Variants in CCDC150 observed in about 807,000 individuals in gnomAD.
The protein encoded by CCDC150 is coiled-coil domain containing 150, also known as coiled-coil domain-containing protein 150.
A neutral mutation model predicts 156.5 loss-of-function variants in CCDC150; 151 were observed. That is an observed-to-expected ratio of 0.97 (90% CI 0.85 to 1.10). The LOEUF (loss-of-function observed/expected upper bound fraction) is 1.10, where lower values mean the gene tolerates loss of function less well. Ranked by LOEUF, CCDC150 falls within the 50% of genes least tolerant of loss-of-function variation. The pLI is 0.00. For missense variants in CCDC150, 1,312 were observed against 1,268.1 expected (o/e 1.03, Z -0.53); for synonymous variants, 452 against 429.4 (o/e 1.05, Z -0.65).
In CCDC150 at chr2:196,719,653, C is replaced by T. The variant is rs898959022; in HGVS notation, c.2152C>T (p.Leu718Phe). ...LGRRDSEIAG[L>F]KKERDLNQQR... ...GCGGAGGGATTCAGAGATTGCAGGCCTCAAGAAAGAAAGGTACCTGTGGTT... is the reference window on the plus strand; with the variant it reads ...GCGGAGGGATTCAGAGATTGCAGGCTTCAAGAAAGAAAGGTACCTGTGGTT... The change falls in exon 19 of 28, where the codon CTC becomes TTC. Residue 718 changes from leucine (L) to phenylalanine (F), a missense_variant. Coordinates refer to ENST00000389175, the MANE Select transcript of CCDC150 (RefSeq NM_001080539.2). The T allele has an allele frequency of 6.2e-7, 1 of 1,607,462 alleles. No homozygotes were observed. The highest frequency in any genetic ancestry group is 1.1e-5 in the South Asian group (1 of 89,664).
intron 2 of CCDC150, among the ~76,000 whole-genome samples, chr2:196,648,026 G>C (rs2125570392): frequency 6.6e-6 from 1 of 152,002 alleles, no homozygotes; most frequent in East Asian, 1.9e-4. Flanking sequence ...TCCATGCCTG[G>C]CTTATTTCCC....
At chr2:196,681,345 AT>A (rs1273041436) in intron 13 of CCDC150, among the ~76,000 whole-genome samples, 10 of 152,310 alleles carry the variant, frequency 6.6e-5, no homozygotes, top group African/African-American at 2.4e-4. Flanking sequence ...GCACACACAC[AT>A]ACACACACAC....
Position 196,667,040 on chromosome 2 carries a change from T to C in CCDC150, c.892+192T>C, listed in dbSNP as rs928895861. On this transcript the variant is annotated intron_variant, in intron 7 of 27. Transcript: ENST00000389175. ...GAAGGATTGTTGTTAATAATATATT[T>C]GACCCTGTTAATTGTAAACTATTCC... 65 of 605,820 alleles carry C rather than the reference T, an allele frequency of 1.1e-4. No individual in the cohort carries two copies. The African/African-American group carries it at 1.2e-3, about 11-fold the overall frequency. The allele number at this position is 605,820 out of a possible 1,614,324, so 37.5% of individuals were successfully genotyped here. A position where few individuals can be genotyped will look rare whatever the true frequency, so the allele number is the denominator to read the frequency against.
chr2:196,647,899 T>C (rs1692640568), intron 2 of CCDC150, among the ~76,000 whole-genome samples: 1 of 152,178 alleles, frequency 6.6e-6, no homozygotes, highest in Non-Finnish European at 1.5e-5. Context: ...CAATCTCTTC[T>C]TTCCCTGTCC....
intron 5 of CCDC150, among the ~76,000 whole-genome samples, chr2:196,663,246 AAAAC>A (rs1250603240): frequency 6.6e-6 from 1 of 152,228 alleles, no homozygotes; most frequent in Non-Finnish European, 1.5e-5. Context: ...CTCAAAAACA[AAAAC>A]AAAAACAGTA....
chr2:196,711,683 A>C (rs1454700729), intron 15 of CCDC150, among the ~76,000 whole-genome samples: 1 of 152,180 alleles, frequency 6.6e-6, no homozygotes, highest in Non-Finnish European at 1.5e-5. Context: ...ATATTGTGTC[A>C]GTGAAACACA....
chr2:196,664,500 A>G (rs1164946547), intron 5 of CCDC150, among the ~76,000 whole-genome samples: 1 of 152,244 alleles, frequency 6.6e-6, no homozygotes, highest in Admixed American at 6.5e-5. Flanking sequence ...GCATGTGGGA[A>G]GGGACGCAGG....
intron 15 of CCDC150, among the ~76,000 whole-genome samples, chr2:196,708,747 A>G (rs183682158): frequency 3.9e-5 from 6 of 152,210 alleles, no homozygotes; most frequent in Non-Finnish European, 8.8e-5. Flanking sequence ...AAAGGTTTTT[A>G]TTTCTCCTTC....
intron 14 of CCDC150, 101 bp downstream of exon 14, chr2:196,695,260 A>G: frequency 1.7e-6 from 1 of 578,020 alleles, no homozygotes; most frequent in Non-Finnish European, 3.1e-6. Context: ...GTGTTTTCAT[A>G]ATTATTAAAA....
At chr2:196,652,278 T>C (rs1692927233) in intron 2 of CCDC150, among the ~76,000 whole-genome samples, 1 of 152,186 alleles carries the variant, frequency 6.6e-6, no homozygotes, top group African/African-American at 2.4e-5. Context: ...TTCCAAAGTC[T>C]CATCTGAGAC....
At chr2:196,698,217 C>T (rs1695948131) in intron 14 of CCDC150, among the ~76,000 whole-genome samples, 2 of 152,140 alleles carry the variant, frequency 1.3e-5, no homozygotes, top group South Asian at 4.1e-4. Flanking sequence ...GCCTTAACAT[C>T]CACTTTCCCT....
chr2:196,666,995 A>G, intron 7 of CCDC150, 147 bp downstream of exon 7: 5 of 759,298 alleles, frequency 6.6e-6, no homozygotes, highest in Non-Finnish European at 1.1e-5. Flanking sequence ...TTTCCCTTCT[A>G]CCTGCAGTAC....
At chr2:196,726,743 G>A (rs1301807719) in intron 22 of CCDC150, 1 of 152,448 alleles carries the variant, frequency 6.6e-6, no homozygotes, top group Non-Finnish European at 1.5e-5. Flanking sequence ...AAATGAACAG[G>A]ACATGTGAGC....
At chr2:196,715,016 G>C (rs1165876849) in intron 17 of CCDC150, among the ~76,000 whole-genome samples, 1 of 152,112 alleles carries the variant, frequency 6.6e-6, no homozygotes, top group African/African-American at 2.4e-5. Flanking sequence ...AGGTAGATGT[G>C]GGGAAAAGAC....
At chr2:196,690,298 G>T (rs1365557315) in intron 13 of CCDC150, among the ~76,000 whole-genome samples, 1 of 151,744 alleles carries the variant, frequency 6.6e-6, no homozygotes, top group African/African-American at 2.4e-5. Flanking sequence ...TGAGTTAATG[G>T]GTGCAGCACA....
At chr2:196,693,011 A>T (rs968612782) in intron 13 of CCDC150, among the ~76,000 whole-genome samples, 2 of 152,224 alleles carry the variant, frequency 1.3e-5, no homozygotes, top group Non-Finnish European at 1.5e-5. Flanking sequence ...TGTTGGATGC[A>T]TATATATTTA....
At position 196,676,682 on chromosome 2, in the gene CCDC150, T is replaced by G; in HGVS notation, c.1391T>G (p.Met464Arg). 1 of 1,613,828 alleles carries G rather than the reference T, an allele frequency of 6.2e-7. No individual in the cohort carries two copies. The highest frequency in any genetic ancestry group is 8.5e-7 in the Non-Finnish European group (1 of 1,179,770). Residue 464 changes from methionine to arginine, a missense_variant, in exon 12 of 28, where the codon ATG becomes AGG. Transcript: ENST00000389175. ...ARLRGELEAS[M>R]QEKKSLLEEK... ...TTGCGAGGTGAATTGGAAGCATCAATGCAAGAGAAGAAGTCTCTGCTAGAG... is the reference window on the plus strand; with the variant it reads ...TTGCGAGGTGAATTGGAAGCATCAAGGCAAGAGAAGAAGTCTCTGCTAGAG...
intron 2 of CCDC150, among the ~76,000 whole-genome samples, chr2:196,650,100 C>T (rs745504620): frequency 7.2e-5 from 11 of 152,194 alleles, no homozygotes; most frequent in Non-Finnish European, 1.6e-4. Context: ...CAGCTTCTCA[C>T]CGTTGAGCAT....
chr2:196,660,558 T>C (rs138916628), intron 5 of CCDC150, among the ~76,000 whole-genome samples: 60 of 152,344 alleles, frequency 3.9e-4, no homozygotes, highest in African/African-American at 1.4e-3. Flanking sequence ...CCTAATGATA[T>C]AATGACACTG....
Sources: allele counts gnomAD v4.1 joint callset (sites outside exome capture counted in the v4.1 genomes callset), GRCh38; gene constraint gnomAD v4.1.1; transcripts MANE v1.5; gene names NCBI Gene and HGNC (gene_info 2026-07-23, HGNC 2026-07-21).